Variants in EPHA3 observed in about 807,000 individuals in gnomAD.
EPHA3 encodes ephrin type-A receptor 3.
EPHA3 carries 42 observed loss-of-function variants against 107.1 expected under a neutral mutation model. The observed-to-expected ratio is 0.39, with a 90% CI of 0.31 to 0.51. EPHA3 has a LOEUF of 0.51. Ranked by LOEUF, EPHA3 falls within the 20% of genes least tolerant of loss-of-function variation. The pLI is 0.78. For missense variants in EPHA3, 1,183 were observed against 1,211.2 expected (o/e 0.98, Z 0.35); for synonymous variants, 461 against 424.8 (o/e 1.09, Z -1.05).
chr3:89,331,495 C>T (rs1342568020), intron 3 of EPHA3, among the ~76,000 whole-genome samples: 2 of 152,066 alleles, frequency 1.3e-5, no homozygotes, highest in East Asian at 1.9e-4. Flanking sequence ...TAATTTAGGT[C>T]ATCACACTTT....
At chr3:89,476,624 T>C (rs1710516015) in intron 16 of EPHA3, among the ~76,000 whole-genome samples, 1 of 150,642 alleles carries the variant, frequency 6.6e-6, no homozygotes, top group Non-Finnish European at 1.5e-5. Flanking sequence ...TTTAATTTTT[T>C]TGAGGCGGAT....
intron 13 of EPHA3, among the ~76,000 whole-genome samples, chr3:89,443,509 C>A (rs1288310433): frequency 6.6e-6 from 1 of 152,098 alleles, no homozygotes; most frequent in Non-Finnish European, 1.5e-5. Flanking sequence ...CATTCACATT[C>A]ACATATATTA....
At chr3:89,202,515 CAAAA>C (rs375753577) in intron 2 of EPHA3, among the ~76,000 whole-genome samples, 8,828 of 115,072 alleles carry the variant, frequency 0.077, 242 homozygotes, top group Middle Eastern at 0.1. Context: ...GACTCTGTCT[CAAAA>C]AAAAAAAAAA....
At chr3:89,316,130 A>C (rs997580355) in intron 3 of EPHA3, among the ~76,000 whole-genome samples, 8 of 151,886 alleles carry the variant, frequency 5.3e-5, no homozygotes, top group African/African-American at 1.9e-4. Flanking sequence ...GAAAGCGTTC[A>C]TCAGTGCTGT....
intron 3 of EPHA3, among the ~76,000 whole-genome samples, chr3:89,272,164 A>G (rs1424242700): frequency 6.6e-6 from 1 of 151,906 alleles, no homozygotes; most frequent in African/African-American, 2.4e-5. Context: ...AAAGTTTTTG[A>G]AAAGTCAAAA....
At chr3:89,145,400 A>T (rs543137849) in intron 2 of EPHA3, among the ~76,000 whole-genome samples, 7 of 151,892 alleles carry the variant, frequency 4.6e-5, no homozygotes, top group African/African-American at 1.7e-4. Context: ...TACTGTGTGA[A>T]CATACTCAAT....
intron 10 of EPHA3, among the ~76,000 whole-genome samples, chr3:89,417,847 A>G (rs918364336): frequency 6.6e-6 from 1 of 151,460 alleles, no homozygotes; most frequent in Non-Finnish European, 1.5e-5. Flanking sequence ...AAATGCATGA[A>G]TATCTGCTTT....
At chr3:89,224,504 G>A (rs1229140404) in intron 3 of EPHA3, among the ~76,000 whole-genome samples, 1 of 152,084 alleles carries the variant, frequency 6.6e-6, no homozygotes, top group Non-Finnish European at 1.5e-5. Context: ...GAAGGAAGAT[G>A]GTTAGAAACA....
intron 15 of EPHA3, among the ~76,000 whole-genome samples, chr3:89,469,249 C>T (rs1359161249): frequency 6.6e-6 from 1 of 152,120 alleles, no homozygotes; most frequent in Non-Finnish European, 1.5e-5. Context: ...CTTTCAACTT[C>T]CCTCCACTAC....
intron 3 of EPHA3, among the ~76,000 whole-genome samples, chr3:89,309,017 T>A (rs1706699853): frequency 6.6e-6 from 1 of 152,004 alleles, no homozygotes; most frequent in Admixed American, 6.6e-5. Flanking sequence ...GACAGTAAAA[T>A]GAGAGAGTGG....
chr3:89,334,809 T>A (rs1410858445), intron 3 of EPHA3, among the ~76,000 whole-genome samples: 2 of 152,146 alleles, frequency 1.3e-5, no homozygotes, highest in Non-Finnish European at 2.9e-5. Flanking sequence ...ACCTGATCAG[T>A]AAATCTAAGC....
At chr3:89,259,594 T>G (rs1705368055) in intron 3 of EPHA3, among the ~76,000 whole-genome samples, 1 of 152,212 alleles carries the variant, frequency 6.6e-6, no homozygotes, top group African/African-American at 2.4e-5. Flanking sequence ...TACCATATGA[T>G]GTTATGGGAT....
intron 5 of EPHA3, among the ~76,000 whole-genome samples, chr3:89,350,713 T>G (rs1002200222): frequency 2.0e-5 from 3 of 150,878 alleles, no homozygotes; most frequent in East Asian, 3.9e-4. Context: ...GAGTTTCCAG[T>G]TTTTCTGTTC....
chr3:89,316,343 C>A (rs934820087), intron 3 of EPHA3, among the ~76,000 whole-genome samples: 2 of 151,176 alleles, frequency 1.3e-5, no homozygotes, highest in African/African-American at 4.9e-5. Context: ...AAACAACAGG[C>A]CACAGCATCA....
chr3:89,434,948 G>A (rs1188550100), intron 13 of EPHA3, among the ~76,000 whole-genome samples: 1 of 152,052 alleles, frequency 6.6e-6, no homozygotes, highest in Non-Finnish European at 1.5e-5. Flanking sequence ...CCGAGAAGCT[G>A]TAATTTGCAT....
At chr3:89,470,106 T>C (rs1369291051) in intron 15 of EPHA3, among the ~76,000 whole-genome samples, 1 of 144,626 alleles carries the variant, frequency 6.9e-6, no homozygotes, top group East Asian at 1.9e-4. Flanking sequence ...CTATATTTTA[T>C]TACAATAATG....
At chr3:89,153,859 C>T (rs1704738473) in intron 2 of EPHA3, among the ~76,000 whole-genome samples, 1 of 152,004 alleles carries the variant, frequency 6.6e-6, no homozygotes, top group Non-Finnish European at 1.5e-5. Flanking sequence ...CTGCAAGGCT[C>T]ATCATGATTT....
At chr3:89,245,272 T>C (rs1333889026) in intron 3 of EPHA3, among the ~76,000 whole-genome samples, 1 of 152,206 alleles carries the variant, frequency 6.6e-6, no homozygotes, top group Non-Finnish European at 1.5e-5. Context: ...ATTCTAGAAT[T>C]CTAGAATATC....
intron 15 of EPHA3, among the ~76,000 whole-genome samples, chr3:89,466,791 T>C (rs1241987628): frequency 7.3e-6 from 1 of 137,472 alleles, no homozygotes; most frequent in African/African-American, 2.7e-5. Context: ...CACCGTCTTA[T>C]GCGTCGCTCA....
Sources: gnomAD v4.1 joint callset for allele counts (sites outside exome capture counted in the v4.1 genomes callset) on GRCh38, gnomAD v4.1.1 for gene constraint, MANE v1.5 for transcripts, NCBI Gene and HGNC (gene_info 2026-07-23, HGNC 2026-07-21) for gene names.